ERICH6: variants seen among roughly 807,000 people sequenced by gnomAD.
ERICH6 encodes the protein glutamate rich 6.
In ERICH6, 71 loss-of-function variants were observed where a neutral mutation model predicts 71.0. That is an observed-to-expected ratio of 1.00 (90% confidence interval 0.83 to 1.22). The LOEUF is 1.22. ERICH6 is among the 50% of genes most tolerant of loss of function. ERICH6 has a pLI of 0.00. For synonymous variants in ERICH6, 262 were observed against 278.4 expected (o/e 0.94, Z 0.59); for missense variants, 808 against 797.2 (o/e 1.01, Z -0.16).
At chr3:150,680,626 A>G in intron 8 of ERICH6, 88 bp from the exon 9 acceptor site, 3 of 1,578,144 alleles carry the variant, frequency 1.9e-6, no homozygotes, top group Admixed American at 3.4e-5. Context: ...CTTAAATGCC[A>G]TCCTTGTCTG....
At chr3:150,698,922 G>A (rs1248229615) in intron 2 of ERICH6, 40 bp from the exon 3 acceptor site, 4 of 1,289,842 alleles carry the variant, frequency 3.1e-6, no homozygotes, top group Non-Finnish European at 4.5e-6. Flanking sequence ...TACCTATATA[G>A]TTGTTAGCAG....
In ERICH6 at chr3:150,669,362, G is replaced by A. The variant is rs1446438134; in HGVS notation, c.1433C>T (p.Pro478Leu). 5 of 1,613,706 alleles carry A rather than the reference G, an allele frequency of 3.1e-6. No individual in the cohort carries two copies. Among genetic ancestry groups the A allele is most frequent in the Non-Finnish European group, 3.4e-6 (4 of 1,179,894 alleles). ...GGAATCCAGCACTGCTAGGATAGCAGGGTTAGTGGGCATATCTTCTTGGAC... is the reference window on the plus strand; with the variant it reads ...GGAATCCAGCACTGCTAGGATAGCAAGGTTAGTGGGCATATCTTCTTGGAC... ...CIVQEDMPTN[P>L]AILAVLDSSG... Residue 478 changes from proline (P) to leucine (L), a missense_variant, in exon 12 of 14, where the codon CCT becomes CTT. Transcript: ENST00000295910.
At chr3:150,672,979 T>C (rs1711524482) in intron 11 of ERICH6, among the ~76,000 whole-genome samples, 1 of 152,090 alleles carries the variant, frequency 6.6e-6, no homozygotes, top group Non-Finnish European at 1.5e-5. Context: ...GGGTCATAAT[T>C]GTGCCACTGC....
intron 2 of ERICH6, among the ~76,000 whole-genome samples, chr3:150,700,394 G>T (rs919058570): frequency 4.0e-5 from 6 of 151,362 alleles, no homozygotes; most frequent in Admixed American, 6.6e-5. Context: ...TTCAAAGCAG[G>T]CAAGAACTCA....
chr3:150,688,465 G>T (rs1712287747), intron 3 of ERICH6, among the ~76,000 whole-genome samples: 1 of 152,162 alleles, frequency 6.6e-6, no homozygotes, highest in African/African-American at 2.4e-5. Context: ...AGATGTCCGT[G>T]ATACATTGCT....
rs1712895979 is a variant in ERICH6, at chr3:150,702,116, C to T, written c.461+5G>A. 1 of 1,543,270 alleles carries T rather than the reference C, an allele frequency of 6.5e-7. No homozygotes were observed. The highest frequency in any genetic ancestry group is 8.9e-7 in the Non-Finnish European group (1 of 1,129,812). ...AAAATGTGAAATTTGAAAACATTTT[C>T]TTACCTATCTATACTCATTTCAGAC... On this transcript the variant is annotated splice_donor_5th_base_variant and intron_variant, in intron 2 of 13. Transcript: ENST00000295910.
intron 3 of ERICH6, among the ~76,000 whole-genome samples, chr3:150,687,717 C>CTA (rs1712256999): frequency 6.6e-6 from 1 of 152,138 alleles, no homozygotes; most frequent in African/African-American, 2.4e-5. Flanking sequence ...TCAGAGCAAC[C>CTA]TATAATGGGA....
At chr3:150,661,057 A>G (rs1375931916) in intron 13 of ERICH6, among the ~76,000 whole-genome samples, 1 of 152,236 alleles carries the variant, frequency 6.6e-6, no homozygotes, top group Non-Finnish European at 1.5e-5. Flanking sequence ...TCTAATAAGA[A>G]AGATTTATCC....
At chr3:150,663,553 C>CT (rs1553752166) in intron 13 of ERICH6, among the ~76,000 whole-genome samples, 1 of 152,048 alleles carries the variant, frequency 6.6e-6, no homozygotes, top group African/African-American at 2.4e-5. Flanking sequence ...CCCCTGCCCC[C>CT]ACCCCGCCAA....
chr3:150,702,028 C>A, intron 2 of ERICH6, 93 bp downstream of exon 2: 2 of 848,250 alleles, frequency 2.4e-6, no homozygotes, highest in African/African-American at 1.8e-5. Flanking sequence ...TCACAAATGC[C>A]CTGGATTATT....
chr3:150,698,809 A>G lies in ERICH6; in HGVS notation c.535T>C (p.Ser179Pro). ...TACTCACTCGATTGCACTTTATCAG[A>G]CAAATCTTGGAGCCAACTTTCTTCT... is the stretch of plus-strand genomic sequence containing the variant. ...QTEESWLQDL[S>P]DKVQSRKKAS... Residue 179 changes from serine to proline, a missense_variant, in exon 3 of 14, where the codon TCT (serine) becomes CCT (proline). By Grantham distance (74) the Ser-to-Pro change is moderately conservative (BLOSUM62 -1). This residue lies in a region of ERICH6 where 736 missense variants were observed against 712.2 expected (regional missense o/e 1.03). Coordinates refer to ENST00000295910, the MANE Select transcript of ERICH6 (RefSeq NM_152394.5). 6.2e-7 allele frequency: 1 copy of G among 1,613,920 alleles called. No individual in the cohort carries two copies. Among genetic ancestry groups the G allele is most frequent in the South Asian group, 1.1e-5 (1 of 91,056 alleles).
intron 10 of ERICH6, among the ~76,000 whole-genome samples, chr3:150,676,401 C>A (rs1280558629): frequency 6.6e-6 from 1 of 152,082 alleles, no homozygotes; most frequent in East Asian, 1.9e-4. Flanking sequence ...CACGGTTAGA[C>A]TTCCTCATTT....
intron 2 of ERICH6, among the ~76,000 whole-genome samples, chr3:150,701,152 A>T (rs906466979): frequency 3.9e-5 from 6 of 152,164 alleles, no homozygotes; most frequent in African/African-American, 1.4e-4. Context: ...GTTAATTGGG[A>T]AAAAAGAGGA....
intron 1 of ERICH6, 61 bp from the exon 2 acceptor site, chr3:150,702,239 C>CA (rs1712904379): frequency 9.7e-7 from 1 of 1,032,532 alleles, no homozygotes; most frequent in African/African-American, 1.6e-5. Flanking sequence ...CAATTCTACC[C>CA]CCCCCAGGAA....
chr3:150,679,407 C>T (rs141873867), intron 9 of ERICH6, among the ~76,000 whole-genome samples: 1,739 of 152,084 alleles, frequency 0.011, 31 homozygotes, highest in African/African-American at 0.04. Flanking sequence ...TCCATTGTAT[C>T]ATTCTTATGC....
intron 6 of ERICH6, 47 bp from the exon 7 acceptor site, chr3:150,682,363 C>A (rs1393123149): frequency 7.0e-7 from 1 of 1,432,578 alleles, no homozygotes; most frequent in Non-Finnish European, 9.6e-7. Context: ...ACAAAGAGGC[C>A]CAGAGGCTCT....
intron 6 of ERICH6, among the ~76,000 whole-genome samples, chr3:150,684,323 G>T (rs1396710912): frequency 6.6e-6 from 1 of 152,164 alleles, no homozygotes; most frequent in African/African-American, 2.4e-5. Flanking sequence ...AATGTTTATA[G>T]ATATTATATT....
chr3:150,661,550 G>A (rs1368611270), intron 13 of ERICH6, among the ~76,000 whole-genome samples: 1 of 152,158 alleles, frequency 6.6e-6, no homozygotes, highest in African/African-American at 2.4e-5. Context: ...TTAGGAGATA[G>A]AGGAAGACTT....
chr3:150,681,357 G>A (rs935584199), intron 7 of ERICH6, among the ~76,000 whole-genome samples: 1 of 152,180 alleles, frequency 6.6e-6, no homozygotes, highest in Non-Finnish European at 1.5e-5. Flanking sequence ...TGTCCATATG[G>A]TGACATGTTT....
Sources: gnomAD v4.1 joint callset for allele counts (sites outside exome capture counted in the v4.1 genomes callset) on GRCh38, gnomAD v4.1.1 for gene constraint, gnomAD v4.1.1 regional missense constraint, MANE v1.5 for transcripts, NCBI Gene and HGNC (gene_info 2026-07-23, HGNC 2026-07-21) for gene names.